Variants in CAST observed in about 807,000 individuals in gnomAD.
The protein encoded by CAST is MIR583 host.
In CAST, 76 loss-of-function variants were observed where a neutral mutation model predicts 119.6. The observed-to-expected ratio is 0.64, with a 90% confidence interval of 0.53 to 0.77. The LOEUF is 0.77. CAST is among the 30% of genes least tolerant of loss of function. The probability of loss-of-function intolerance (pLI) is 0.00; values close to 1 mark genes in which losing one functional copy is unlikely to be tolerated. For synonymous variants in CAST, 319 were observed against 331.6 expected, an observed-to-expected ratio of 0.96 and a Z score of 0.41; for missense variants, 953 against 946.5, an observed-to-expected ratio of 1.01 and a Z score of -0.09.
chr5:96,353,615 T>A, the CAST span, among the ~76,000 whole-genome samples: 27 of 151,610 alleles, frequency 1.8e-4, no homozygotes, highest in African/African-American at 6.6e-4. Context: ...AAAGGACAGA[T>A]GAAGGATAAA....
At position 96,606,437 on chromosome 5, in the gene CAST, A is replaced by G. The variant is rs563544649; in HGVS notation, c.61-69102A>G. ...CAGGAATAAAATGCATAGTGTACTC[A>G]GCCCAGGGCTGGATGCAGAAAGAGC... is the stretch of plus-strand genomic sequence containing the variant. On this transcript the variant is annotated intron_variant, in intron 1 of 11. Transcript: ENST00000505143. 5.7e-4 allele frequency among the ~76,000 whole-genome samples: 87 copies of G among 152,366 alleles called. 2 individuals carry two copies. The highest frequency in any genetic ancestry group is 6.8e-3 in the Middle Eastern group (2 of 294).
At chr5:95,990,133 T>C in the CAST span, among the ~76,000 whole-genome samples, 4 of 152,228 alleles carry the variant, frequency 2.6e-5, no homozygotes, top group Middle Eastern at 6.8e-3. Context: ...TTTAATAATT[T>C]AAAAATTATT....
chr5:96,453,588 T>C, the CAST span, among the ~76,000 whole-genome samples: 1 of 152,168 alleles, frequency 6.6e-6, no homozygotes, highest in Non-Finnish European at 1.5e-5. Flanking sequence ...ATAGAAGAGA[T>C]CCAGTGTGGT....
chr5:96,261,366 G>A, the CAST span, among the ~76,000 whole-genome samples: 2 of 152,326 alleles, frequency 1.3e-5, no homozygotes, highest in Admixed American at 1.3e-4. Flanking sequence ...CTTACAAACA[G>A]AAGCCATGTC....
chr5:96,498,806 A>T, the CAST span, among the ~76,000 whole-genome samples: 3 of 152,172 alleles, frequency 2.0e-5, no homozygotes, highest in Non-Finnish European at 4.4e-5. Flanking sequence ...AATTGTGTTA[A>T]TCCAGCCTCC....
At chr5:96,740,481 T>C (rs1762443686) in intron 12 of CAST, among the ~76,000 whole-genome samples, 1 of 152,204 alleles carries the variant, frequency 6.6e-6, no homozygotes, top group South Asian at 2.1e-4. Context: ...TGTGCTTCTA[T>C]GCATATCTCT....
intron 1 of CAST, among the ~76,000 whole-genome samples, chr5:96,552,989 G>C (rs777346549): frequency 2.0e-5 from 3 of 152,150 alleles, no homozygotes; most frequent in Non-Finnish European, 4.4e-5. Flanking sequence ...GTACAAAGAG[G>C]AGCTGGTATC....
At chr5:96,684,859 C>A (rs1186776795) in intron 2 of CAST, among the ~76,000 whole-genome samples, 1 of 152,078 alleles carries the variant, frequency 6.6e-6, no homozygotes, top group East Asian at 1.9e-4. Context: ...CATGAGCCAC[C>A]ATGCCAGACC....
At chr5:95,978,706 C>T in the CAST span, among the ~76,000 whole-genome samples, 2 of 152,046 alleles carry the variant, frequency 1.3e-5, no homozygotes, top group Non-Finnish European at 2.9e-5. Context: ...AATTTTTCAA[C>T]TGAAACTATA....
At chr5:96,446,800 A>G in the CAST span, among the ~76,000 whole-genome samples, 2 of 152,324 alleles carry the variant, frequency 1.3e-5, no homozygotes, top group South Asian at 2.1e-4. Context: ...GAGACTGGAT[A>G]AATGTTGCCT....
chr5:96,187,962 C>A, the CAST span, among the ~76,000 whole-genome samples: 2 of 152,162 alleles, frequency 1.3e-5, no homozygotes, highest in African/African-American at 4.8e-5. Context: ...TGGGAGGGGA[C>A]TTCACATGCC....
At chr5:96,310,389 T>C in the CAST span, among the ~76,000 whole-genome samples, 1 of 152,216 alleles carries the variant, frequency 6.6e-6, no homozygotes, top group African/African-American at 2.4e-5. Flanking sequence ...TTCTGGTAGC[T>C]TTCTTTTCTT....
Position 96,729,648 on chromosome 5 carries a change from A to T in CAST, c.472A>T (p.Ser158Cys), listed in dbSNP as rs758133177. The T allele has an allele frequency of 1.3e-6, 2 of 1,598,030 alleles. No individual in the cohort carries two copies. The highest frequency in any genetic ancestry group is 1.7e-6 in the Non-Finnish European group (2 of 1,165,586). The stretch of plus-strand genomic sequence containing the variant: ...ACCCAAGCAGGCATCAGATACAGGA[A>T]GTAACGATGCTCACAATAAAAAAGC... ...SLPKQASDTG[S>C]NDAHNKKAVS... Residue 158 changes from serine to cysteine, a missense_variant, in exon 8 of 32, where the codon AGT becomes TGT. By Grantham distance (112) the Ser-to-Cys change is moderately radical. Coordinates refer to ENST00000675179, the MANE Select transcript of CAST (RefSeq NM_001750.7).
chr5:96,592,705 C>T (rs944341587), intron 1 of CAST, among the ~76,000 whole-genome samples: 3 of 151,958 alleles, frequency 2.0e-5, no homozygotes, highest in African/African-American at 7.3e-5. Flanking sequence ...CAATGACACT[C>T]GTAGCTTCCT....
At chr5:96,109,892 A>G in the CAST span, among the ~76,000 whole-genome samples, 1 of 152,138 alleles carries the variant, frequency 6.6e-6, no homozygotes, top group East Asian at 1.9e-4. Flanking sequence ...GTGTTTCAAA[A>G]TGGTTCTATT....
chr5:96,262,687 G>A, the CAST span, among the ~76,000 whole-genome samples: 12 of 151,888 alleles, frequency 7.9e-5, no homozygotes, highest in Admixed American at 1.3e-4. Context: ...CTGCCACCAC[G>A]CCCGGCTAAT....
At chr5:96,648,170 C>G (rs1748042708) in intron 1 of CAST, among the ~76,000 whole-genome samples, 1 of 152,170 alleles carries the variant, frequency 6.6e-6, no homozygotes, top group South Asian at 2.1e-4. Context: ...TGTTTTTACT[C>G]AAGTTGTTTC....
At chr5:96,707,305 ATTTAAC>A (rs1249748674) in intron 3 of CAST, among the ~76,000 whole-genome samples, 3 of 152,150 alleles carry the variant, frequency 2.0e-5, no homozygotes, top group Admixed American at 2.0e-4. Context: ...AAAAACTAAC[ATTTAAC>A]TTTATTTGAG....
chr5:96,115,622 G>T, the CAST span, among the ~76,000 whole-genome samples: 1 of 152,156 alleles, frequency 6.6e-6, no homozygotes, highest in Non-Finnish European at 1.5e-5. Flanking sequence ...CTCAATAAAG[G>T]CTTGTTGAAT....
Sources: allele counts gnomAD v4.1 joint callset (sites outside exome capture counted in the v4.1 genomes callset), GRCh38; gene constraint gnomAD v4.1.1; transcripts MANE v1.5; gene names NCBI Gene and HGNC (gene_info 2026-07-23, HGNC 2026-07-21).